Variants in PYROXD1 observed in about 807,000 individuals in gnomAD.
The protein encoded by PYROXD1 is pyridine nucleotide-disulphide oxidoreductase domain 1.
In PYROXD1, 42 loss-of-function variants were observed where a neutral mutation model predicts 62.0. That is an observed-to-expected ratio of 0.68 (90% CI 0.53 to 0.88). The LOEUF (loss-of-function observed/expected upper bound fraction) is 0.88, where lower values mean the gene tolerates loss of function less well. Among genes scored for constraint, PYROXD1 ranks in the 40% least tolerant of loss-of-function variants. The probability of loss-of-function intolerance (pLI) is 0.00; values close to 1 mark genes in which losing one functional copy is unlikely to be tolerated. For synonymous variants in PYROXD1, 170 were observed against 206.4 expected, an observed-to-expected ratio of 0.82 and a Z score of 1.51; for missense variants, 493 against 604.8, an observed-to-expected ratio of 0.82 and a Z score of 1.94.
chr12:21,446,151 C>T (rs1942382881), intron 3 of PYROXD1, among the ~76,000 whole-genome samples: 3 of 152,192 alleles, frequency 2.0e-5, no homozygotes, highest in African/African-American at 4.8e-5. Flanking sequence ...TGGGCCGGTG[C>T]GTTGGCTCAC....
At chr12:21,448,115 T>TG (rs1466463722) in intron 3 of PYROXD1, 1 of 669,992 alleles carries the variant, frequency 1.5e-6, no homozygotes, top group Non-Finnish European at 2.9e-6. Flanking sequence ...CTGATGTTAA[T>TG]GCATGTTCTC....
intron 10 of PYROXD1, among the ~76,000 whole-genome samples, chr12:21,466,697 A>C (rs12831608): frequency 0.49 from 75,098 of 151,850 alleles, 18,620 homozygotes; most frequent in Middle Eastern, 0.59. Context: ...TTCCAACACT[A>C]TGTTGAATAG....
Position 21,470,650 on chromosome 12 carries a change from A to G in PYROXD1, c.*1896A>G, listed in dbSNP as rs1942926444. The G allele has an allele frequency of 6.4e-6, 2 of 314,322 alleles. No individual in the cohort carries two copies. Among genetic ancestry groups the G allele is most frequent in the African/African-American group, 4.3e-5 (2 of 46,188 alleles). 19.5% of individuals were successfully genotyped at this position (314,322 alleles called of 1,614,324 possible). On this transcript the variant is annotated 3_prime_UTR_variant, in exon 12 of 12. Coordinates refer to ENST00000240651, the MANE Select transcript of PYROXD1 (RefSeq NM_024854.5). ...AAAACAGTGGTTTCTAACCACTGGA[A>G]CAGCAGAAACAGACTTCTCAACTAT... is the stretch of plus-strand genomic sequence containing the variant.
chr12:21,463,692 C>CAA (rs11325981), intron 10 of PYROXD1, among the ~76,000 whole-genome samples: 14,563 of 135,856 alleles, frequency 0.11, 928 homozygotes, highest in East Asian at 0.29. Flanking sequence ...AACTCTGTCT[C>CAA]AAAAAAAAAA....
rs1942919871 is a variant in PYROXD1 at position 21,470,460 on chromosome 12, G to A, written c.*1706G>A. The A allele has an allele frequency of 1.8e-6, 2 of 1,092,152 alleles. No individual in the cohort carries two copies. Among genetic ancestry groups the A allele is most frequent in the Non-Finnish European group, 1.3e-6 (1 of 794,650 alleles). The allele number at this position is 1,092,152 out of a possible 1,614,324, so 67.7% of individuals were successfully genotyped here. A position where few individuals can be genotyped will look rare whatever the true frequency, so the allele number is the denominator to read the frequency against. ...CTTTCTGTATCAGTTGGCTTTTTAAGTATACAGGGGTCTAGTTTTTTATCT... is the reference window on the plus strand; with the variant it reads ...CTTTCTGTATCAGTTGGCTTTTTAAATATACAGGGGTCTAGTTTTTTATCT... On this transcript the variant is annotated 3_prime_UTR_variant, in exon 12 of 12. Coordinates refer to ENST00000240651, the MANE Select transcript of PYROXD1 (RefSeq NM_024854.5).
chr12:21,451,224 TC>T (rs1942490936), intron 4 of PYROXD1, among the ~76,000 whole-genome samples: 1 of 107,060 alleles, frequency 9.3e-6, no homozygotes, highest in Middle Eastern at 5.3e-3. Context: ...CTGGCTTCTC[TC>T]TCTCTTTTTT....
At chr12:21,460,485 A>G (rs1321760519) in intron 7 of PYROXD1, among the ~76,000 whole-genome samples, 2 of 149,254 alleles carry the variant, frequency 1.3e-5, no homozygotes, top group Non-Finnish European at 1.5e-5. Flanking sequence ...GTGCTGTGGT[A>G]TGATCTTGGC....
intron 10 of PYROXD1, among the ~76,000 whole-genome samples, chr12:21,464,519 AAGAC>A (rs992656583): frequency 6.6e-6 from 1 of 152,158 alleles, no homozygotes; most frequent in Non-Finnish European, 1.5e-5. Context: ...CTGCAAACAA[AAGAC>A]AGCATTAAGT....
At chr12:21,445,320 C>G in intron 2 of PYROXD1, 27 bp from the exon 3 acceptor site, 1 of 1,506,352 alleles carries the variant, frequency 6.6e-7, no homozygotes, top group East Asian at 2.4e-5. Context: ...TAAAAATATA[C>G]ATTTTTAATC....
chr12:21,453,118 C>T (rs1942531510), intron 5 of PYROXD1, among the ~76,000 whole-genome samples: 1 of 151,990 alleles, frequency 6.6e-6, no homozygotes, highest in Non-Finnish European at 1.5e-5. Flanking sequence ...GGCTTCAAAT[C>T]CTTGTGTATA....
chr12:21,460,956 C>G lies in PYROXD1; in HGVS notation c.751-69C>G, dbSNP rs957704179. ...ACATTTCTACAAGTATACGTTTTTT[C>G]TTCATCATTAGTAACCCGGGTTATT... On this transcript the variant is annotated intron_variant, in intron 7 of 11. Transcript: ENST00000240651. 3.0e-6 allele frequency: 3 copies of G among 997,182 alleles called. No homozygotes were observed. The African/African-American group carries it at 5.0e-5, about 17-fold the overall frequency. The allele number at this position is 997,182 out of a possible 1,614,324, so 61.8% of individuals were successfully genotyped here.
chr12:21,443,269 A>G (rs1942329304), intron 2 of PYROXD1, among the ~76,000 whole-genome samples: 2 of 152,204 alleles, frequency 1.3e-5, no homozygotes, highest in South Asian at 4.1e-4. Context: ...GAAAGTTTCC[A>G]ATAAAAAATT....
At position 21,449,546 on chromosome 12, in the gene PYROXD1, G is replaced by A; in HGVS notation, c.286-17G>A. On this transcript the variant is annotated splice_polypyrimidine_tract_variant and intron_variant, in intron 3 of 11. Coordinates refer to ENST00000240651, the MANE Select transcript of PYROXD1 (RefSeq NM_024854.5). ...TTATGTGTCTCCCTTTTCTTTCATT[G>A]TTTGATGTATTTACAGTGCATTGTA... 2.5e-6 allele frequency: 4 copies of A among 1,595,526 alleles called. No homozygotes were observed. In the East Asian group the frequency reaches 6.8e-5, roughly 27 times the overall value.
chr12:21,465,516 TG>T (rs1481087545), intron 10 of PYROXD1, among the ~76,000 whole-genome samples: 2 of 151,914 alleles, frequency 1.3e-5, no homozygotes, highest in East Asian at 1.9e-4. Context: ...TTGATGGGGT[TG>T]TTTTTTTTTT....
intron 10 of PYROXD1, among the ~76,000 whole-genome samples, chr12:21,464,205 AG>A (rs1942750032): frequency 6.8e-6 from 1 of 147,404 alleles, no homozygotes; most frequent in South Asian, 2.1e-4. Flanking sequence ...AATCTGAAAG[AG>A]GGGAAAAAAT....
intron 7 of PYROXD1, among the ~76,000 whole-genome samples, chr12:21,456,367 C>T (rs569444131): frequency 6.6e-6 from 1 of 152,138 alleles, no homozygotes; most frequent in African/African-American, 2.4e-5. Context: ...TGGAGTATTG[C>T]AGGTTCAGTC....
Position 21,445,592 on chromosome 12 carries a change from A to G in PYROXD1, c.285+126A>G, listed in dbSNP as rs12309454. The G allele has an allele frequency of 0.011, 10,284 of 914,458 alleles. 686 individuals are homozygous for G. The African/African-American group carries it at 0.15, about 14-fold the overall frequency. 56.6% of individuals were successfully genotyped at this position (914,458 alleles called of 1,614,324 possible). A position where few individuals can be genotyped will look rare whatever the true frequency, so the allele number is the denominator to read the frequency against. Reference sequence around the variant, plus strand: ...TTTTTAACATGTAAAGTTTAGTGACATTGATTTCCAGTATTATTAGAAAAA... The same window carrying G: ...TTTTTAACATGTAAAGTTTAGTGACGTTGATTTCCAGTATTATTAGAAAAA... On this transcript the variant is annotated intron_variant, in intron 3 of 11. Coordinates refer to ENST00000240651, the MANE Select transcript of PYROXD1 (RefSeq NM_024854.5).
chr12:21,468,481 A>T, intron 11 of PYROXD1, 25 bp from the exon 12 acceptor site: 4 of 1,596,074 alleles, frequency 2.5e-6, no homozygotes. Context: ...ACTCATGACA[A>T]TAACCTTTTT....
chr12:21,457,580 G>T (rs1325354370), intron 7 of PYROXD1, among the ~76,000 whole-genome samples: 2 of 152,040 alleles, frequency 1.3e-5, no homozygotes, highest in Non-Finnish European at 2.9e-5. Context: ...AAGAAAAGAG[G>T]TTTAATTGGC....
Sources: allele counts gnomAD v4.1 joint callset (sites outside exome capture counted in the v4.1 genomes callset), GRCh38; gene constraint gnomAD v4.1.1; transcripts MANE v1.5; gene names NCBI Gene and HGNC (gene_info 2026-07-23, HGNC 2026-07-21).